The following KCNB2 variants were observed in gnomAD, a reference collection of about 807,000 sequenced individuals.
KCNB2 encodes potassium voltage-gated channel subfamily B member 2.
Under a neutral mutation model 61.5 loss-of-function variants are expected in KCNB2, and 15 were observed. The observed-to-expected ratio is 0.24, with a 90% CI of 0.16 to 0.38. KCNB2 has a LOEUF of 0.38. Among genes scored for constraint, KCNB2 ranks in the 10% least tolerant of loss-of-function variants. KCNB2 has a pLI of 1.00. For missense variants in KCNB2, 828 were observed against 1,125.2 expected (o/e 0.74, Z 3.78); for synonymous variants, 457 against 446.0 (o/e 1.02, Z -0.31).
intron 2 of KCNB2, among the ~76,000 whole-genome samples, chr8:72,742,988 G>A (rs1396942170): frequency 6.6e-6 from 1 of 152,186 alleles, no homozygotes; most frequent in East Asian, 1.9e-4. Flanking sequence ...CATGGTATGG[G>A]CTATGTCTCA....
intron 2 of KCNB2, among the ~76,000 whole-genome samples, chr8:72,811,453 C>G (rs559495098): frequency 6.6e-6 from 1 of 152,120 alleles, no homozygotes; most frequent in Admixed American, 6.5e-5. Context: ...AAGGTTGTTA[C>G]TTCCACATTC....
intron 2 of KCNB2, among the ~76,000 whole-genome samples, chr8:72,620,485 C>T (rs1805698446): frequency 6.6e-6 from 1 of 152,194 alleles, no homozygotes; most frequent in Non-Finnish European, 1.5e-5. Flanking sequence ...GAGAGGGAGA[C>T]ATTTCAGTGC....
At chr8:72,780,505 A>G (rs1292908413) in intron 2 of KCNB2, among the ~76,000 whole-genome samples, 1 of 152,196 alleles carries the variant, frequency 6.6e-6, no homozygotes, top group Non-Finnish European at 1.5e-5. Context: ...TTAATTGCAT[A>G]AATCTCAAAT....
chr8:72,598,474 A>G (rs1419599321), intron 2 of KCNB2, among the ~76,000 whole-genome samples: 1 of 152,230 alleles, frequency 6.6e-6, no homozygotes, highest in East Asian at 1.9e-4. Flanking sequence ...GCTATCTATG[A>G]CAGACCTACA....
At chr8:72,843,684 T>C (rs1221005007) in intron 2 of KCNB2, among the ~76,000 whole-genome samples, 1 of 152,214 alleles carries the variant, frequency 6.6e-6, no homozygotes, top group Non-Finnish European at 1.5e-5. Context: ...CCTTTACCAT[T>C]ATATAATGCC....
intron 1 of KCNB2, among the ~76,000 whole-genome samples, chr8:72,554,397 T>C (rs932323556): frequency 3.3e-5 from 5 of 152,140 alleles, no homozygotes; most frequent in Non-Finnish European, 5.9e-5. Context: ...TAGTAGAAAT[T>C]ATAGACTTAT....
chr8:72,796,150 T>G (rs767128946), intron 2 of KCNB2, among the ~76,000 whole-genome samples: 10 of 152,214 alleles, frequency 6.6e-5, no homozygotes, highest in Non-Finnish European at 1.3e-4. Context: ...TGATCTCTTG[T>G]ATCACCAGGA....
intron 2 of KCNB2, among the ~76,000 whole-genome samples, chr8:72,612,281 T>G (rs1184467447): frequency 6.6e-6 from 1 of 152,212 alleles, no homozygotes; most frequent in Admixed American, 6.5e-5. Flanking sequence ...AATGCAGTGT[T>G]CTCAGTGAAG....
chr8:72,744,113 G>C (rs1360033088), intron 2 of KCNB2, among the ~76,000 whole-genome samples: 1 of 152,130 alleles, frequency 6.6e-6, no homozygotes, highest in African/African-American at 2.4e-5. Context: ...GGTTGAAAGT[G>C]ATTTAGGGAT....
At chr8:72,745,504 T>C (rs1188981695) in intron 2 of KCNB2, among the ~76,000 whole-genome samples, 7 of 152,136 alleles carry the variant, frequency 4.6e-5, no homozygotes. Context: ...ATTATAGTCT[T>C]ACTGAAAAAA....
chr8:72,659,244 ACAT>A (rs954722290), intron 2 of KCNB2, among the ~76,000 whole-genome samples: 87 of 152,280 alleles, frequency 5.7e-4, no homozygotes, highest in African/African-American at 1.9e-3. Flanking sequence ...GGGGTTCAAG[ACAT>A]CAGTGGAGGA....
intron 2 of KCNB2, among the ~76,000 whole-genome samples, chr8:72,701,538 T>C (rs1224808810): frequency 2.6e-5 from 2 of 77,668 alleles, no homozygotes; most frequent in Non-Finnish European, 5.3e-5. Context: ...TGTCCCTTTA[T>C]GTAGATTTTT....
chr8:72,586,530 A>G (rs1807003112), intron 2 of KCNB2, among the ~76,000 whole-genome samples: 2 of 152,240 alleles, frequency 1.3e-5, no homozygotes, highest in African/African-American at 4.8e-5. Flanking sequence ...GAAAAGCCTG[A>G]TAGCCTGATA....
rs1259807607 is a variant in KCNB2, at chr8:72,782,826, T to C, written c.580-153109T>C. Reference sequence around the variant, plus strand: ...AGAGTTTTTGAGGACAGTATTTAACTATTAAGTTTTTCTCCCTCTGGGCCT... The same window carrying C: ...AGAGTTTTTGAGGACAGTATTTAACCATTAAGTTTTTCTCCCTCTGGGCCT... On this transcript the variant is annotated intron_variant, in intron 2 of 2. Coordinates refer to ENST00000523207, the MANE Select transcript of KCNB2 (RefSeq NM_004770.3). Among the ~76,000 whole-genome samples, 4 of 152,218 alleles carry C rather than the reference T, an allele frequency of 2.6e-5. No individual in the cohort carries two copies. The South Asian group carries it at 6.2e-4, about 24-fold the overall frequency.
At chr8:72,550,878 G>A (rs1021684374) in intron 1 of KCNB2, among the ~76,000 whole-genome samples, 3 of 152,224 alleles carry the variant, frequency 2.0e-5, no homozygotes, top group Admixed American at 6.5e-5. Context: ...GGGAGCAGGC[G>A]ATATTTGGAG....
intron 2 of KCNB2, among the ~76,000 whole-genome samples, chr8:72,856,133 T>A (rs569637829): frequency 6.6e-6 from 1 of 152,184 alleles, no homozygotes; most frequent in Non-Finnish European, 1.5e-5. Flanking sequence ...ATAATGCAAG[T>A]CACATTTTAA....
chr8:72,824,804 T>A (rs1809570213), intron 2 of KCNB2, among the ~76,000 whole-genome samples: 1 of 152,064 alleles, frequency 6.6e-6, no homozygotes, highest in Non-Finnish European at 1.5e-5. Flanking sequence ...GTGGATGGGA[T>A]CCCTTGCAAG....
Position 72,619,322 on chromosome 8 carries a change from C to T in KCNB2, c.579+51009C>T, listed in dbSNP as rs942661813. 12 of 609,878 alleles carry T rather than the reference C, an allele frequency of 2.0e-5. No homozygotes were observed. The African/African-American group carries it at 2.0e-4, about 10-fold the overall frequency. The allele number at this position is 609,878 out of a possible 1,614,324, so 37.8% of individuals were successfully genotyped here. A position where few individuals can be genotyped will look rare whatever the true frequency, so the allele number is the denominator to read the frequency against. ...GATTGGCAGGGGAAAAGTTCACACT[C>T]TCCATGAGAAGGTCTTGAAGAGGCT... is the stretch of plus-strand genomic sequence containing the variant. On this transcript the variant is annotated intron_variant, in intron 2 of 2. Coordinates refer to ENST00000523207, the MANE Select transcript of KCNB2 (RefSeq NM_004770.3).
chr8:72,666,816 A>T (rs1011039189), intron 2 of KCNB2, among the ~76,000 whole-genome samples: 2 of 151,296 alleles, frequency 1.3e-5, no homozygotes, highest in African/African-American at 2.4e-5. Flanking sequence ...TTAATAATTA[A>T]TTTTTTTTTC....
Sources: allele counts gnomAD v4.1 joint callset (sites outside exome capture counted in the v4.1 genomes callset), GRCh38; gene constraint gnomAD v4.1.1; transcripts MANE v1.5; gene names NCBI Gene and HGNC (gene_info 2026-07-23, HGNC 2026-07-21).